C1QTNF6: variants seen among roughly 807,000 people sequenced by gnomAD.
C1QTNF6 encodes the protein C1q and TNF related 6.
In C1QTNF6, 17 loss-of-function variants were observed where a neutral mutation model predicts 20.7. The ratio of observed to expected loss-of-function variants is 0.82; its 90% CI spans 0.56 to 1.23. The LOEUF (loss-of-function observed/expected upper bound fraction) is 1.23, where lower values mean the gene tolerates loss of function less well. Ranked by LOEUF, C1QTNF6 falls within the 50% of genes most tolerant of loss-of-function variation. C1QTNF6 has a pLI of 0.00. For synonymous variants in C1QTNF6, 130 were observed against 156.3 expected (o/e 0.83, Z 1.25); for missense variants, 329 against 389.7 (o/e 0.84, Z 1.31).
At chr22:37,194,618 A>C (rs1925030131) in intron 2 of C1QTNF6, among the ~76,000 whole-genome samples, 2 of 152,210 alleles carry the variant, frequency 1.3e-5, no homozygotes, top group African/African-American at 4.8e-5. Flanking sequence ...CCACAGGCAA[A>C]AGCCTCTTAA....
At chr22:37,185,895 C>T (rs1335446188) in intron 1 of C1QTNF6, 4 of 986,958 alleles carry the variant, frequency 4.1e-6, no homozygotes, top group African/African-American at 3.5e-5. Context: ...TTCTTGCCAC[C>T]GACTCCACTA....
intron 2 of C1QTNF6, chr22:37,183,048 C>T (rs1011060860): frequency 6.8e-6 from 4 of 585,412 alleles, no homozygotes; most frequent in Admixed American, 6.4e-5. Context: ...AGGGAGGGTC[C>T]GACTGGTGTC....
At position 37,182,541 on chromosome 22, in the gene C1QTNF6, T is replaced by C. The variant is rs1464926135; in HGVS notation, c.484A>G (p.Thr162Ala). 1.9e-6 allele frequency: 3 copies of C among 1,614,230 alleles called. No individual in the cohort carries two copies. Among genetic ancestry groups the C allele is most frequent in the Non-Finnish European group, 2.5e-6 (3 of 1,180,046 alleles). Reference sequence around the variant, plus strand: ...ACAAAGACCCTTTCGAAGAGCAGCGTCTGGAAGTCCTCGCCGCTGTGCAGG... The same window carrying C: ...ACAAAGACCCTTTCGAAGAGCAGCGCCTGGAAGTCCTCGCCGCTGTGCAGG... ...TALHSGEDFQ[T>A]LLFERVFVNL... The change falls in exon 3 of 3, where the codon ACG becomes GCG. Residue 162 changes from threonine (T) to alanine (A), a missense_variant. Transcript: ENST00000337843.
At chr22:37,190,979 A>G (rs1054391092), upstream of C1QTNF6, 10 of 152,202 alleles carry the variant, frequency 6.6e-5, no homozygotes, top group African/African-American at 2.4e-4. Flanking sequence ...AAAGTCATAA[A>G]AGATTATTTC....
intron 2 of C1QTNF6, 32 bp from the exon 3 acceptor site, chr22:37,182,767 G>A (rs229520): frequency 0.22 from 342,233 of 1,541,868 alleles, 42,358 homozygotes; most frequent in African/African-American, 0.46. Flanking sequence ...AAGTCAGGGT[G>A]GACATCTGAG....
intron 1 of C1QTNF6, among the ~76,000 whole-genome samples, chr22:37,187,008 G>A (rs1470125275): frequency 6.6e-6 from 1 of 152,104 alleles, no homozygotes; most frequent in Non-Finnish European, 1.5e-5. Context: ...TCGAGTCCCG[G>A]AGTTCGAGAC....
chr22:37,184,195 G>T lies in C1QTNF6; in HGVS notation c.289+1023C>A. ...CGAAATCAGAACAAGGGCAGGCCAG[G>T]TGCCAGGTGACCACTGGCTGTGCAG... On this transcript the variant is annotated intron_variant, in intron 2 of 2. Coordinates refer to ENST00000337843, the MANE Select transcript of C1QTNF6 (RefSeq NM_031910.4). The surrounding 1 kb of genome is among the most constrained non-coding windows in gnomAD (Gnocchi z 4.0). 1 of 626,446 alleles carries T rather than the reference G, an allele frequency of 1.6e-6. No homozygotes were observed. 38.8% of individuals were successfully genotyped at this position (626,446 alleles called of 1,614,324 possible). A position where few individuals can be genotyped will look rare whatever the true frequency, so the allele number is the denominator to read the frequency against.
chr22:37,193,149 C>T (rs750146538), upstream of C1QTNF6, among the ~76,000 whole-genome samples: 6 of 152,112 alleles, frequency 3.9e-5, no homozygotes, highest in Non-Finnish European at 5.9e-5. Flanking sequence ...ATTAGCCATC[C>T]CTAAAAGTGT....
At chr22:37,194,420 T>C (rs1925014931) in intron 2 of C1QTNF6, among the ~76,000 whole-genome samples, 1 of 152,218 alleles carries the variant, frequency 6.6e-6, no homozygotes, top group African/African-American at 2.4e-5. Flanking sequence ...ATTTTTATCA[T>C]TTATTCAACC....
At chr22:37,186,734 C>T (rs1924383845) in intron 1 of C1QTNF6, among the ~76,000 whole-genome samples, 1 of 152,208 alleles carries the variant, frequency 6.6e-6, no homozygotes, top group Non-Finnish European at 1.5e-5. Flanking sequence ...AGAAACTCTG[C>T]TTTTGAAACC....
upstream of C1QTNF6, chr22:37,191,061 G>A (rs991019244): frequency 6.6e-6 from 1 of 152,148 alleles, no homozygotes; most frequent in African/African-American, 2.4e-5. Context: ...TTTTCCAAGA[G>A]TCTTGGATGA....
chr22:37,198,781 C>T (rs1210378200), upstream of C1QTNF6, among the ~76,000 whole-genome samples: 1 of 152,094 alleles, frequency 6.6e-6, no homozygotes, highest in Non-Finnish European at 1.5e-5. Flanking sequence ...TCCTCCAAAC[C>T]CCCGCAGTCC....
At chr22:37,194,701 C>A (rs941769706) in intron 2 of C1QTNF6, among the ~76,000 whole-genome samples, 1 of 152,236 alleles carries the variant, frequency 6.6e-6, no homozygotes, top group Non-Finnish European at 1.5e-5. Context: ...AGACTAGCCA[C>A]CCCACTCAGT....
intron 2 of C1QTNF6, chr22:37,183,100 G>T: frequency 8.9e-6 from 2 of 224,598 alleles, no homozygotes; most frequent in Non-Finnish European, 1.5e-5. Flanking sequence ...GGACCACAGC[G>T]CAGTCCAGGC....
At chr22:37,187,958 G>A (rs563808936) in intron 1 of C1QTNF6, among the ~76,000 whole-genome samples, 25 of 152,218 alleles carry the variant, frequency 1.6e-4, no homozygotes, top group South Asian at 6.2e-4. Flanking sequence ...GTGTGTGCCC[G>A]GGTAGGGGCG....
chr22:37,192,060 C>G (rs192447254), upstream of C1QTNF6, among the ~76,000 whole-genome samples: 1 of 152,250 alleles, frequency 6.6e-6, no homozygotes, highest in Admixed American at 6.5e-5. Flanking sequence ...AATAAGTTCA[C>G]ACAGAATTTC....
At chr22:37,187,014 G>A (rs796376268) in intron 1 of C1QTNF6, among the ~76,000 whole-genome samples, 42 of 152,214 alleles carry the variant, frequency 2.8e-4, no homozygotes, top group African/African-American at 1.0e-3. Flanking sequence ...CCCGGAGTTC[G>A]AGACCAGTCT....
At chr22:37,195,904 G>A (rs536613919) in intron 1 of C1QTNF6, 1 of 152,336 alleles carries the variant, frequency 6.6e-6, no homozygotes, top group South Asian at 2.1e-4. Flanking sequence ...TGGATTTGGT[G>A]TGTTTTGGCC....
At chr22:37,193,414 C>A (rs1382881483) in intron 2 of C1QTNF6, among the ~76,000 whole-genome samples, 3 of 151,936 alleles carry the variant, frequency 2.0e-5, no homozygotes, top group African/African-American at 7.3e-5. Context: ...TATCTTAGGT[C>A]CTCTCAGGTG....
Sources: allele counts gnomAD v4.1 joint callset (sites outside exome capture counted in the v4.1 genomes callset), GRCh38; gene constraint gnomAD v4.1.1; non-coding constraint Gnocchi (gnomAD v3.1); transcripts MANE v1.5; gene names NCBI Gene and HGNC (gene_info 2026-07-23, HGNC 2026-07-21).